The following RAI14 variants were observed in gnomAD, a reference collection of about 807,000 sequenced individuals.
RAI14 encodes the protein retinoic acid induced 14.
A neutral mutation model predicts 115.4 loss-of-function variants in RAI14; 45 were observed. The observed-to-expected ratio is 0.39, with a 90% CI of 0.31 to 0.50. The LOEUF (loss-of-function observed/expected upper bound fraction) is 0.50. RAI14 is among the 20% of genes least tolerant of loss of function. The probability of loss-of-function intolerance (pLI) is 0.85; values close to 1 mark genes in which losing one functional copy is unlikely to be tolerated. For missense variants in RAI14, 939 were observed against 1,131.2 expected (o/e 0.83, Z 2.44); for synonymous variants, 371 against 415.4 (o/e 0.89, Z 1.30).
intron 1 of RAI14, among the ~76,000 whole-genome samples, chr5:34,676,940 C>G (rs12187027): frequency 0.14 from 21,062 of 152,148 alleles, 1,842 homozygotes; most frequent in Middle Eastern, 0.24. Context: ...TCTTTCCCCC[C>G]CTAACTTTAT....
intron 3 of RAI14, among the ~76,000 whole-genome samples, chr5:34,762,214 T>C (rs759273878): frequency 2.8e-4 from 42 of 152,176 alleles, no homozygotes; most frequent in Non-Finnish European, 5.0e-4. Context: ...TTAACTTGGA[T>C]TCAGAGGGGA....
chr5:34,777,428 C>T (rs989006696), intron 3 of RAI14, among the ~76,000 whole-genome samples: 3 of 152,144 alleles, frequency 2.0e-5, no homozygotes, highest in African/African-American at 7.2e-5. Context: ...AACAGAAAGA[C>T]AGATGCCACA....
intron 2 of RAI14, chr5:34,688,111 A>G: frequency 2.9e-6 from 1 of 344,414 alleles, no homozygotes; most frequent in East Asian, 3.1e-5. Flanking sequence ...ACTTCGACAA[A>G]GACAGAAAAC....
chr5:34,685,043 G>A (rs1744713283), intron 1 of RAI14: 1 of 151,346 alleles, frequency 6.6e-6, no homozygotes, highest in South Asian at 2.1e-4. Context: ...TACATGCGAA[G>A]TTTTCACATC....
In RAI14 at chr5:34,752,796, C is replaced by A. The variant is rs1351568831; in HGVS notation, c.37-4672C>A. Among the ~76,000 whole-genome samples the A allele has an allele frequency of 2.2e-5, 3 of 136,356 alleles. No homozygotes were observed. The East Asian group carries it at 6.4e-4, about 29-fold the overall frequency. 89.5% of individuals were successfully genotyped at this position (136,356 alleles called of 152,430 possible). A position where few individuals can be genotyped will look rare whatever the true frequency, so the allele number is the denominator to read the frequency against. ...CTTTTCTTTTTTTTTGAGACAAGGT[C>A]TTGGGTTGTCGCCCAGGTTGGAGTG... On this transcript the variant is annotated intron_variant, in intron 2 of 17. Transcript: ENST00000265109.
chr5:34,823,799 A>G lies in RAI14; in HGVS notation c.1957A>G (p.Lys653Glu). Residue 653 changes from lysine to glutamate, a missense_variant, in exon 15 of 18, where the codon AAA becomes GAA. Physicochemically the swap from Lys to Glu is moderately conservative, Grantham distance 56. Transcript: ENST00000265109. This position sits in a 1 kb window ranked among gnomAD's most constrained non-coding sequence, Gnocchi z 4.5. ...GGTGAGCGAGCTGTCACAGCTGTAC[A>G]AAGAAGCCCAGGCTGAGCTGGAGGA... ...KQVSELSQLY[K>E]EAQAELEDYR... 6.2e-7 allele frequency: 1 copy of G among 1,614,188 alleles called. No homozygotes were observed.
chr5:34,811,820 T>C lies in RAI14; in HGVS notation c.611T>C (p.Leu204Ser), dbSNP rs1755636456. ...GGCAGCTCTAACGCTGTGGAAGCCT[T>C]AATTAAAAAGGGTGCAGACCTAAAC... ...EIGSSNAVEA[L>S]IKKGADLNLV... Residue 204 changes from leucine (L) to serine (S), a missense_variant, in exon 9 of 18, where the codon TTA (leucine) becomes TCA (serine). Coordinates refer to ENST00000265109, the MANE Select transcript of RAI14 (RefSeq NM_015577.3). The C allele has an allele frequency of 6.2e-7, 1 of 1,613,476 alleles. No individual in the cohort carries two copies. Among genetic ancestry groups the C allele is most frequent in the African/African-American group, 1.3e-5 (1 of 74,908 alleles).
intron 2 of RAI14, among the ~76,000 whole-genome samples, chr5:34,754,523 C>CGGCTAATTTTTTGTATTTTTAGTAGAG (rs1561315251): frequency 4.3e-4 from 64 of 148,766 alleles, no homozygotes; most frequent in Middle Eastern, 3.4e-3. Context: ...CTACCACGCC[C>CGGCTAATTTTTTGTATTTTTAGTAGAG]AGGCTCTTAC....
At position 34,818,815 on chromosome 5, in the gene RAI14, C is replaced by T. The variant is rs1215083139; in HGVS notation, c.958C>T (p.Arg320Ter). ...TCAATAGGCTGAGATCAGTTCTATA[C>T]GAGAAAACAAAGACAGACTAAGTGA... is the stretch of plus-strand genomic sequence containing the variant. ...PPFKAEISSI[R>*]ENKDRLSDST... Residue 320 changes from arginine (R) to a stop codon, truncating the protein, a stop_gained, in exon 13 of 18, where the codon CGA (arginine) becomes TGA (stop). Transcript: ENST00000265109. LOFTEE classifies it high-confidence loss of function. 4.3e-6 allele frequency: 7 copies of T among 1,610,904 alleles called. No individual in the cohort carries two copies. Among genetic ancestry groups the T allele is most frequent in the South Asian group, 1.1e-5 (1 of 90,616 alleles).
At chr5:34,792,361 G>A (rs1753033570) in intron 3 of RAI14, among the ~76,000 whole-genome samples, 5 of 151,374 alleles carry the variant, frequency 3.3e-5, no homozygotes, top group Middle Eastern at 3.4e-3. Flanking sequence ...AGCCTCCCGA[G>A]TAGATGGGAC....
At chr5:34,751,609 A>T (rs538928534) in intron 2 of RAI14, among the ~76,000 whole-genome samples, 54 of 152,110 alleles carry the variant, frequency 3.6e-4, no homozygotes, top group Non-Finnish European at 6.2e-4. Context: ...ACCTAGTTGT[A>T]GTTTGTTCAT....
intron 4 of RAI14, among the ~76,000 whole-genome samples, chr5:34,799,149 G>T (rs1753889335): frequency 6.6e-6 from 1 of 152,120 alleles, no homozygotes; most frequent in Non-Finnish European, 1.5e-5. Flanking sequence ...TAATGGCTTT[G>T]ATTGCCCATG....
intron 2 of RAI14, among the ~76,000 whole-genome samples, chr5:34,705,068 A>G (rs916908843): frequency 3.3e-5 from 5 of 152,142 alleles, no homozygotes; most frequent in African/African-American, 1.2e-4. Context: ...GCTTCGGACT[A>G]TGGACACATG....
chr5:34,811,772 C>T lies in RAI14; in HGVS notation c.563C>T (p.Ala188Val). ...GTGTCTCTTTTTTCCTTTAGAACTGCTCTCATGCTGGCCTGTGAGATTGGC... is the reference window on the plus strand; with the variant it reads ...GTGTCTCTTTTTTCCTTTAGAACTGTTCTCATGCTGGCCTGTGAGATTGGC... Reference protein sequence around the residue: ...VNSRNKSGRTALMLACEIGSS... With the variant: ...VNSRNKSGRTVLMLACEIGSS... The change falls in exon 9 of 18, where the codon GCT becomes GTT. Residue 188 changes from alanine (A) to valine (V), a missense_variant. By Grantham distance (64) the Ala-to-Val change is moderately conservative. Transcript: ENST00000265109. 1 of 1,611,890 alleles carries T rather than the reference C, an allele frequency of 6.2e-7. No homozygotes were observed. The highest frequency in any genetic ancestry group is 8.5e-7 in the Non-Finnish European group (1 of 1,179,512).
intron 1 of RAI14, among the ~76,000 whole-genome samples, chr5:34,662,083 C>T (rs1352154011): frequency 6.6e-6 from 1 of 152,174 alleles, no homozygotes; most frequent in Non-Finnish European, 1.5e-5. Context: ...GCCACTGCCC[C>T]CGGTCCACAC....
chr5:34,662,943 C>G (rs1428383405), intron 1 of RAI14, among the ~76,000 whole-genome samples: 1 of 151,646 alleles, frequency 6.6e-6, no homozygotes, highest in African/African-American at 2.4e-5. Flanking sequence ...CCATGGCTGG[C>G]CAGGCTGGTC....
chr5:34,751,335 G>T (rs979070297), intron 2 of RAI14, among the ~76,000 whole-genome samples: 6 of 151,414 alleles, frequency 4.0e-5, no homozygotes, highest in African/African-American at 1.5e-4. Context: ...AGAGACGGGG[G>T]TTTCACCATG....
At chr5:34,768,418 C>T (rs1452210601) in intron 3 of RAI14, among the ~76,000 whole-genome samples, 1 of 152,186 alleles carries the variant, frequency 6.6e-6, no homozygotes, top group Non-Finnish European at 1.5e-5. Context: ...ACAGTTTATT[C>T]ATTCAACTTA....
intron 3 of RAI14, among the ~76,000 whole-genome samples, chr5:34,792,198 A>G (rs1171499895): frequency 6.7e-6 from 1 of 150,334 alleles, no homozygotes; most frequent in Non-Finnish European, 1.5e-5. Context: ...AGCTAAAATG[A>G]TCAGTTTTTC....
Sources: allele counts gnomAD v4.1 joint callset (sites outside exome capture counted in the v4.1 genomes callset), GRCh38; gene constraint gnomAD v4.1.1; non-coding constraint Gnocchi (gnomAD v3.1); transcripts MANE v1.5; gene names NCBI Gene and HGNC (gene_info 2026-07-23, HGNC 2026-07-21).